Variants in MYRIP observed in about 807,000 individuals in gnomAD.
MYRIP encodes myosin VIIA and Rab interacting protein.
A neutral mutation model predicts 98.0 loss-of-function variants in MYRIP; 49 were observed. The ratio of observed to expected loss-of-function variants is 0.50; its 90% CI spans 0.40 to 0.63. The LOEUF (loss-of-function observed/expected upper bound fraction) is 0.63. MYRIP is among the 30% of genes least tolerant of loss of function. The pLI, the probability that MYRIP is intolerant of heterozygous loss-of-function variation, is 0.00. For synonymous variants in MYRIP, 404 were observed against 409.5 expected (o/e 0.99, Z 0.16); for missense variants, 1,004 against 1,058.2 (o/e 0.95, Z 0.71).
intron 1 of MYRIP, among the ~76,000 whole-genome samples, chr3:39,889,974 G>A (rs952867280): frequency 2.0e-5 from 3 of 151,992 alleles, no homozygotes; most frequent in Non-Finnish European, 4.4e-5. Context: ...TTCTATAGTT[G>A]TAAAAAATCT....
At chr3:40,218,626 A>ATATATATATTT (rs1553629260) in intron 11 of MYRIP, among the ~76,000 whole-genome samples, 5 of 14,806 alleles carry the variant, frequency 3.4e-4, no homozygotes, top group African/African-American at 5.4e-4. Flanking sequence ...ATATATATAT[A>ATATATATATTT]TATATATATA....
intron 11 of MYRIP, chr3:40,233,143 A>C (rs1464910829): frequency 6.6e-6 from 1 of 152,254 alleles, no homozygotes; most frequent in African/African-American, 2.4e-5. Context: ...ACAAAAGCTT[A>C]TCTAGAAACT....
chr3:39,867,684 T>C (rs1176477241), intron 1 of MYRIP, among the ~76,000 whole-genome samples: 10 of 152,184 alleles, frequency 6.6e-5, no homozygotes, highest in Non-Finnish European at 1.3e-4. Flanking sequence ...AGGGAATCCA[T>C]GTGCACTGTT....
intron 3 of MYRIP, among the ~76,000 whole-genome samples, chr3:40,104,782 T>C (rs1324643794): frequency 6.6e-6 from 1 of 152,258 alleles, no homozygotes; most frequent in East Asian, 1.9e-4. Context: ...TATTAGCTTC[T>C]AAACTTGTCC....
chr3:40,126,829 T>A (rs1052787174), intron 3 of MYRIP, among the ~76,000 whole-genome samples: 1 of 152,222 alleles, frequency 6.6e-6, no homozygotes, highest in African/African-American at 2.4e-5. Flanking sequence ...CAAGTGATGC[T>A]AGTAGCAAGG....
At chr3:40,121,750 A>G (rs1016849917) in intron 3 of MYRIP, among the ~76,000 whole-genome samples, 1 of 152,218 alleles carries the variant, frequency 6.6e-6, no homozygotes, top group African/African-American at 2.4e-5. Context: ...GAGACAAATA[A>G]TATTTTAACA....
chr3:40,154,253 C>T (rs1950173996), intron 4 of MYRIP, among the ~76,000 whole-genome samples: 2 of 152,302 alleles, frequency 1.3e-5, no homozygotes, highest in South Asian at 2.1e-4. Flanking sequence ...CCAAGCGAAC[C>T]TTTCTCCTTC....
At chr3:40,167,043 C>A in intron 6 of MYRIP, 100 bp downstream of exon 6, 4 of 1,370,408 alleles carry the variant, frequency 2.9e-6, no homozygotes, top group South Asian at 1.2e-5. Flanking sequence ...GTCCCAGCAG[C>A]TCTGACTAGA....
At chr3:40,001,077 T>C (rs544934090) in intron 2 of MYRIP, among the ~76,000 whole-genome samples, 3 of 152,360 alleles carry the variant, frequency 2.0e-5, no homozygotes, top group African/African-American at 7.2e-5. Flanking sequence ...TTGATAGTTA[T>C]ATTTTTGTTT....
At chr3:40,012,605 G>C (rs1946783340) in intron 2 of MYRIP, among the ~76,000 whole-genome samples, 1 of 152,190 alleles carries the variant, frequency 6.6e-6, no homozygotes, top group South Asian at 2.1e-4. Flanking sequence ...TAGTGAAGCA[G>C]ATCATTCTCC....
intron 2 of MYRIP, among the ~76,000 whole-genome samples, chr3:39,932,804 TA>T (rs1944570825): frequency 6.6e-6 from 1 of 152,174 alleles, no homozygotes; most frequent in South Asian, 2.1e-4. Context: ...TTTCTACCTT[TA>T]GGGTATATGT....
At chr3:40,044,350 ACCAGCTATGATTGGTAGAT>A (rs1353005050) in intron 3 of MYRIP, 79 bp downstream of exon 3, 1 of 1,382,170 alleles carries the variant, frequency 7.2e-7, no homozygotes, top group Non-Finnish European at 1.0e-6. Flanking sequence ...GTCAGGTAGA[ACCAGCTATGATTGGTAGAT>A]CAACACAGAG....
intron 10 of MYRIP, among the ~76,000 whole-genome samples, chr3:40,202,995 T>C (rs927766923): frequency 6.6e-6 from 1 of 152,000 alleles, no homozygotes; most frequent in African/African-American, 2.4e-5. Flanking sequence ...AGTGGTGCAA[T>C]GTCGGCTCAC....
At chr3:40,205,049 C>A (rs995344262) in intron 10 of MYRIP, among the ~76,000 whole-genome samples, 3 of 152,102 alleles carry the variant, frequency 2.0e-5, no homozygotes, top group African/African-American at 7.2e-5. Context: ...TCTGGGTGCC[C>A]TCTATGCCAC....
chr3:39,927,273 AAT>A (rs1250979857), intron 2 of MYRIP, among the ~76,000 whole-genome samples: 1 of 151,998 alleles, frequency 6.6e-6, no homozygotes, highest in African/African-American at 2.4e-5. Flanking sequence ...TCAGTGAAGA[AAT>A]ACAATTTGAC....
At chr3:40,162,946 TG>T in intron 5 of MYRIP, 136 bp downstream of exon 5, 2 of 711,222 alleles carry the variant, frequency 2.8e-6, no homozygotes, top group Non-Finnish European at 4.7e-6. Context: ...TGAGTCTCCC[TG>T]GGTCACTTAT....
Position 39,821,670 on chromosome 3 carries a change from T to A in MYRIP, c.-31+11754T>A, listed in dbSNP as rs1575273019. Among the ~76,000 whole-genome samples, 3 of 152,260 alleles carry A rather than the reference T, an allele frequency of 2.0e-5. No individual in the cohort carries two copies. The South Asian group carries it at 6.2e-4, about 32-fold the overall frequency. ...CGATATATAATGTTTTTGTTATTGT[T>A]CACATGTGAATTTTTAAATTTTTCA... On this transcript the variant is annotated intron_variant, in intron 1 of 16. Coordinates refer to ENST00000302541, the MANE Select transcript of MYRIP (RefSeq NM_015460.4).
chr3:40,034,953 C>G (rs993545539), intron 2 of MYRIP, among the ~76,000 whole-genome samples: 1 of 151,178 alleles, frequency 6.6e-6, no homozygotes, highest in Admixed American at 6.6e-5. Context: ...AATCATCATT[C>G]TCAGTAAACT....
At chr3:39,993,207 T>C (rs1313314524) in intron 2 of MYRIP, among the ~76,000 whole-genome samples, 2 of 152,166 alleles carry the variant, frequency 1.3e-5, no homozygotes, top group Non-Finnish European at 2.9e-5. Context: ...TGTCCTTTTA[T>C]AAGGAACCCA....
Sources: gnomAD v4.1 joint callset for allele counts (sites outside exome capture counted in the v4.1 genomes callset) on GRCh38, gnomAD v4.1.1 for gene constraint, MANE v1.5 for transcripts, NCBI Gene and HGNC (gene_info 2026-07-23, HGNC 2026-07-21) for gene names.